DRC1: variants seen among roughly 807,000 people sequenced by gnomAD.
DRC1 encodes the protein dynein regulatory complex subunit 1, also known as dynein regulatory complex protein 1.
In DRC1, 74 loss-of-function variants were observed where a neutral mutation model predicts 98.7. The observed-to-expected ratio is 0.75, with a 90% confidence interval of 0.62 to 0.91. DRC1 has a LOEUF of 0.91. Ranked by LOEUF, DRC1 falls within the 40% of genes least tolerant of loss-of-function variation. DRC1 has a pLI of 0.00. For synonymous variants in DRC1, 336 were observed against 334.1 expected, an observed-to-expected ratio of 1.01 and a Z score of -0.06; for missense variants, 875 against 886.0, an observed-to-expected ratio of 0.99 and a Z score of 0.16.
intron 5 of DRC1, 150 bp from the exon 6 acceptor site, chr2:26,430,636 T>C (rs1432088632): frequency 1.2e-6 from 1 of 803,576 alleles, no homozygotes; most frequent in Admixed American, 1.7e-5. Flanking sequence ...AGCCATTTGG[T>C]CTTATGAAAC....
chr2:26,444,897 C>T lies in DRC1; in HGVS notation c.1345C>T (p.Gln449Ter). The change falls in exon 10 of 17, where the codon CAG (glutamine) becomes TAG (stop). Residue 449 changes from glutamine (Q) to a stop codon, truncating the protein, a stop_gained. Coordinates refer to ENST00000288710, the MANE Select transcript of DRC1 (RefSeq NM_145038.5). LOFTEE classifies it high-confidence loss of function. The stretch of plus-strand genomic sequence containing the variant: ...GAACAATGTTGGGCCTATTTCTCAG[C>T]AGCCCCAGAAGTCCGCCACACAGAT... ...FLNNVGPISQ[Q>*]PQKSATQIVE... is the part of the protein sequence containing the mutation. 6.2e-7 allele frequency: 1 copy of T among 1,614,226 alleles called. No homozygotes were observed. The highest frequency in any genetic ancestry group is 8.5e-7 in the Non-Finnish European group (1 of 1,180,054).
rs1357565595 is a variant in DRC1 at position 26,440,421 on chromosome 2, T to G, written c.932T>G (p.Leu311Arg). Residue 311 changes from leucine to arginine, a missense_variant, in exon 8 of 17, where the codon CTA (leucine) becomes CGA (arginine). Leu to Arg is a moderately radical substitution (Grantham distance 102). Transcript: ENST00000288710. ...QLQQRKAIYQ[L>R]NQEKLEYNLQ... Reference sequence around the variant, plus strand: ...CAGCAGAGGAAAGCAATTTATCAGCTAAACCAAGAGAAATTAGAGTACAAC... The same window carrying G: ...CAGCAGAGGAAAGCAATTTATCAGCGAAACCAAGAGAAATTAGAGTACAAC... 4 of 1,612,884 alleles carry G rather than the reference T, an allele frequency of 2.5e-6. No individual in the cohort carries two copies. In the Admixed American group the frequency reaches 5.0e-5, roughly 20 times the overall value.
chr2:26,443,583 GT>G (rs1258308984), intron 8 of DRC1, among the ~76,000 whole-genome samples: 13 of 152,256 alleles, frequency 8.5e-5, no homozygotes, highest in Non-Finnish European at 1.9e-4. Context: ...GTTTGTCTTT[GT>G]TTTTGACTAG....
At chr2:26,423,523 C>G (rs1265259851) in intron 3 of DRC1, among the ~76,000 whole-genome samples, 1 of 152,158 alleles carries the variant, frequency 6.6e-6, no homozygotes, top group Non-Finnish European at 1.5e-5. Flanking sequence ...CCTGCCACCT[C>G]GCCCCAGCCT....
chr2:26,409,519 GTAGTAT>G (rs1455947441), intron 1 of DRC1, among the ~76,000 whole-genome samples: 1 of 152,042 alleles, frequency 6.6e-6, no homozygotes, highest in African/African-American at 2.4e-5. Flanking sequence ...TGTAAAATTG[GTAGTAT>G]TAGTATCCTT....
chr2:26,423,815 G>T (rs1054147247), intron 3 of DRC1, among the ~76,000 whole-genome samples: 1 of 152,182 alleles, frequency 6.6e-6, no homozygotes, highest in African/African-American at 2.4e-5. Flanking sequence ...TTTCATCCAC[G>T]CCATTTTACA....
intron 16 of DRC1, 64 bp downstream of exon 16, chr2:26,455,297 C>T: frequency 6.6e-7 from 1 of 1,513,802 alleles, no homozygotes; most frequent in Non-Finnish European, 9.1e-7. Context: ...GGCACTGGAG[C>T]TGGGATTAGG....
intron 4 of DRC1, among the ~76,000 whole-genome samples, chr2:26,425,434 T>C (rs1292864017): frequency 6.6e-6 from 1 of 152,236 alleles, no homozygotes; most frequent in Non-Finnish European, 1.5e-5. Flanking sequence ...TTTGGATGTA[T>C]ACTTAAAAGC....
chr2:26,442,701 G>C (rs189983560), intron 8 of DRC1, among the ~76,000 whole-genome samples: 1 of 152,250 alleles, frequency 6.6e-6, no homozygotes, highest in East Asian at 1.9e-4. Context: ...GTTCAGCTTG[G>C]AGAGGCCCTG....
chr2:26,442,848 C>T (rs1163541962), intron 8 of DRC1, among the ~76,000 whole-genome samples: 1 of 152,202 alleles, frequency 6.6e-6, no homozygotes, highest in Non-Finnish European at 1.5e-5. Context: ...CCTCTTGCAG[C>T]CATTCTTCCC....
chr2:26,423,569 T>C (rs1663206788), intron 3 of DRC1, among the ~76,000 whole-genome samples: 1 of 152,240 alleles, frequency 6.6e-6, no homozygotes, highest in Non-Finnish European at 1.5e-5. Flanking sequence ...TTGGAATTTA[T>C]GGAAAGGCTG....
At chr2:26,408,712 A>G (rs1678501278) in intron 1 of DRC1, among the ~76,000 whole-genome samples, 1 of 152,140 alleles carries the variant, frequency 6.6e-6, no homozygotes, top group Admixed American at 6.6e-5. Flanking sequence ...CGGAGGTTGC[A>G]GTGAGCCGAG....
At chr2:26,434,911 A>C (rs944012852) in intron 7 of DRC1, among the ~76,000 whole-genome samples, 4 of 150,810 alleles carry the variant, frequency 2.7e-5, no homozygotes, top group South Asian at 2.1e-4. Flanking sequence ...AAAAAGAAAG[A>C]AAGCTACACA....
At chr2:26,417,621 G>A (rs958539220) in intron 2 of DRC1, among the ~76,000 whole-genome samples, 9 of 152,138 alleles carry the variant, frequency 5.9e-5, no homozygotes, top group African/African-American at 9.7e-5. Context: ...GAGCCACTGC[G>A]CCCAGCCTTG....
At chr2:26,452,112 A>G (rs1664022218) in intron 13 of DRC1, among the ~76,000 whole-genome samples, 1 of 151,674 alleles carries the variant, frequency 6.6e-6, no homozygotes, top group South Asian at 2.1e-4. Context: ...AAAAAGCTTG[A>G]TAACACAGCA....
chr2:26,441,863 T>G (rs181080399), intron 8 of DRC1, among the ~76,000 whole-genome samples: 23 of 152,330 alleles, frequency 1.5e-4, no homozygotes, highest in African/African-American at 5.5e-4. Flanking sequence ...CTGCTGTTTC[T>G]AAGCACCATC....
intron 16 of DRC1, 55 bp from the exon 17 acceptor site, chr2:26,456,406 G>T: frequency 1.2e-6 from 2 of 1,611,024 alleles, no homozygotes; most frequent in Non-Finnish European, 1.7e-6. Flanking sequence ...CGCAAGGGTG[G>T]CAAAGAAGGA....
intron 10 of DRC1, among the ~76,000 whole-genome samples, chr2:26,447,116 A>T (rs972984806): frequency 1.6e-4 from 24 of 150,084 alleles, no homozygotes; most frequent in Non-Finnish European, 2.5e-4. Flanking sequence ...ATAAAAATTA[A>T]AAAAAAAATA....
intron 3 of DRC1, among the ~76,000 whole-genome samples, chr2:26,423,999 T>C (rs139007821): frequency 3.3e-5 from 5 of 152,350 alleles, no homozygotes; most frequent in Admixed American, 1.3e-4. Context: ...TTGGTGTGTG[T>C]GCGTGTGCAC....
Sources: allele counts gnomAD v4.1 joint callset (sites outside exome capture counted in the v4.1 genomes callset), GRCh38; gene constraint gnomAD v4.1.1; transcripts MANE v1.5; gene names NCBI Gene and HGNC (gene_info 2026-07-23, HGNC 2026-07-21).